NRIP1: variants seen among roughly 807,000 people sequenced by gnomAD.
NRIP1 encodes the protein nuclear receptor-interacting protein 1.
NRIP1 carries 28 observed loss-of-function variants against 75.0 expected under a neutral mutation model. The observed-to-expected ratio is 0.37, with a 90% CI of 0.28 to 0.51. The LOEUF (loss-of-function observed/expected upper bound fraction) is 0.51. Among genes scored for constraint, NRIP1 ranks in the 20% least tolerant of loss-of-function variants. The pLI is 0.92. For missense variants in NRIP1, 1,435 were observed against 1,343.7 expected (o/e 1.07, Z -1.06); for synonymous variants, 526 against 487.6 (o/e 1.08, Z -1.04).
intron 1 of NRIP1, among the ~76,000 whole-genome samples, chr21:15,056,437 T>A (rs911012031): frequency 2.0e-5 from 3 of 152,158 alleles, no homozygotes; most frequent in Non-Finnish European, 2.9e-5. Context: ...AGGAATCAGA[T>A]GGTAAATTTA....
intron 3 of NRIP1, among the ~76,000 whole-genome samples, chr21:14,986,414 A>G (rs1403492884): frequency 6.6e-6 from 1 of 152,244 alleles, no homozygotes; most frequent in Non-Finnish European, 1.5e-5. Context: ...ACTTTTTACC[A>G]TATTAGCATG....
chr21:15,065,539 A>G (rs895234795), upstream of NRIP1, among the ~76,000 whole-genome samples: 1 of 151,228 alleles, frequency 6.6e-6, no homozygotes, highest in African/African-American at 2.4e-5. Context: ...ACCCCACAAC[A>G]CGCGCTCTCT....
chr21:15,063,285 C>G (rs1245271027), intron 1 of NRIP1, among the ~76,000 whole-genome samples: 1 of 152,182 alleles, frequency 6.6e-6, no homozygotes, highest in African/African-American at 2.4e-5. Context: ...TACCGAACTG[C>G]CGGGCAAAAC....
rs1384096210 is a variant in NRIP1 at position 14,965,523 on chromosome 21, C to T, written c.2670G>A (p.Leu890=). 6.2e-7 allele frequency: 1 copy of T among 1,614,068 alleles called. No homozygotes were observed. Among genetic ancestry groups the T allele is most frequent in the Admixed American group, 1.7e-5 (1 of 60,016 alleles). Residue 890 remains leucine (L), a synonymous_variant, in exon 4 of 4, where the codon CTG becomes CTA. Coordinates refer to ENST00000318948, the MANE Select transcript of NRIP1 (RefSeq NM_003489.4). ...CTTCCTGGTTAAGCAAGGACCCATA[C>T]AGTACTTCTGGGGCACTGTGATTGT... ...AANNHSAPEV[L]YGSLLNQEEL...
At chr21:15,065,778 T>TTAA (rs767884697), upstream of NRIP1, 1 of 152,316 alleles carries the variant, frequency 6.6e-6, no homozygotes, top group Non-Finnish European at 1.5e-5. Flanking sequence ...AGGAGCAGGG[T>TTAA]TAATCCTCGG....
chr21:15,055,764 A>G lies in NRIP1; in HGVS notation c.-538+8981T>C, dbSNP rs2089292945. ...TGACTGACCATCCTAGGTCTACCCA[A>G]CTGCTAGCTGAATGACTTTCAAAAC... On this transcript the variant is annotated intron_variant, in intron 1 of 3. Transcript: ENST00000318948. 2.0e-5 allele frequency among the ~76,000 whole-genome samples: 3 copies of G among 152,204 alleles called. No individual in the cohort carries two copies. The South Asian group carries it at 6.2e-4, about 31-fold the overall frequency.
chr21:14,994,523 T>G lies in NRIP1; in HGVS notation c.-335+19821A>C, dbSNP rs1225491864. Among the ~76,000 whole-genome samples the G allele has an allele frequency of 4.6e-5, 7 of 152,386 alleles. No individual in the cohort carries two copies. The East Asian group carries it at 9.6e-4, about 21-fold the overall frequency. Reference sequence around the variant, plus strand: ...AGCTTACTGAAAAGGATCAGCCTTCTGAGTGATATGACATGGATCAACTTT... The same window carrying G: ...AGCTTACTGAAAAGGATCAGCCTTCGGAGTGATATGACATGGATCAACTTT... On this transcript the variant is annotated intron_variant, in intron 3 of 3. Transcript: ENST00000318948.
At position 15,018,443 on chromosome 21, in the gene NRIP1, A is replaced by T. The variant is rs566661572; in HGVS notation, c.-457-3977T>A. On this transcript the variant is annotated intron_variant, in intron 2 of 3. Transcript: ENST00000318948. ...AGAGGAAGCTATTTTACATAAAGTG[A>T]TAAGGAAAAGCAAAAGCTTCTCTGA... 2.8e-4 allele frequency among the ~76,000 whole-genome samples: 43 copies of T among 152,330 alleles called. No individual in the cohort carries two copies. In the East Asian group the frequency reaches 8.1e-3, roughly 29 times the overall value.
At chr21:15,004,968 T>C (rs569707447) in intron 3 of NRIP1, among the ~76,000 whole-genome samples, 1 of 152,314 alleles carries the variant, frequency 6.6e-6, no homozygotes. Context: ...AGTCCAGCCA[T>C]GTGATAATGT....
intron 3 of NRIP1, among the ~76,000 whole-genome samples, chr21:15,005,888 C>T (rs148806590): frequency 3.3e-5 from 5 of 152,082 alleles, no homozygotes; most frequent in East Asian, 1.9e-4. Flanking sequence ...GAATTCAGGT[C>T]GAATTCTTTC....
At chr21:15,047,229 G>C (rs1288573828) in intron 1 of NRIP1, among the ~76,000 whole-genome samples, 1 of 152,116 alleles carries the variant, frequency 6.6e-6, no homozygotes, top group African/African-American at 2.4e-5. Context: ...AAGCAAAGTG[G>C]GAAAAGCCTC....
intron 1 of NRIP1, among the ~76,000 whole-genome samples, chr21:15,056,868 A>C (rs1006829618): frequency 6.6e-6 from 1 of 152,184 alleles, no homozygotes; most frequent in Non-Finnish European, 1.5e-5. Context: ...CATAAATTTT[A>C]AATGAGGCAA....
intron 2 of NRIP1, among the ~76,000 whole-genome samples, chr21:15,039,361 G>T (rs1029171713): frequency 6.6e-6 from 1 of 151,970 alleles, no homozygotes. Flanking sequence ...TTTCTCAAAG[G>T]GCTATTCCCT....
intron 2 of NRIP1, among the ~76,000 whole-genome samples, chr21:15,028,222 A>C (rs1163127135): frequency 6.6e-6 from 1 of 152,238 alleles, no homozygotes; most frequent in African/African-American, 2.4e-5. Flanking sequence ...TGAGTACAAT[A>C]ATCTTGTTAA....
At chr21:14,985,936 C>T (rs111373701) in intron 3 of NRIP1, among the ~76,000 whole-genome samples, 49 of 152,272 alleles carry the variant, frequency 3.2e-4, no homozygotes, top group African/African-American at 8.4e-4. Flanking sequence ...TAAAACCAGA[C>T]ATTCATTCTA....
chr21:14,982,168 A>G (rs2147020488), intron 3 of NRIP1, among the ~76,000 whole-genome samples: 1 of 152,292 alleles, frequency 6.6e-6, no homozygotes. Context: ...TTCAACTCTT[A>G]AGTTACTTAA....
At chr21:15,046,909 C>T (rs913635651) in intron 1 of NRIP1, among the ~76,000 whole-genome samples, 2 of 152,174 alleles carry the variant, frequency 1.3e-5, no homozygotes, top group Non-Finnish European at 2.9e-5. Context: ...TTCTTCATCT[C>T]CTCTCGGCCT....
chr21:15,059,986 A>G (rs986991028), intron 1 of NRIP1, among the ~76,000 whole-genome samples: 1 of 152,178 alleles, frequency 6.6e-6, no homozygotes, highest in African/African-American at 2.4e-5. Context: ...TTAAGAACTT[A>G]AAGAAAAATA....
At position 14,984,877 on chromosome 21, in the gene NRIP1, A is replaced by AT. The variant is rs546062300; in HGVS notation, c.-334-16352dup. Among the ~76,000 whole-genome samples, 51 of 152,276 alleles carry AT rather than the reference A, an allele frequency of 3.3e-4. No homozygotes were observed. The South Asian group carries it at 9.7e-3, about 29-fold the overall frequency. On this transcript the variant is annotated intron_variant, in intron 3 of 3. Transcript: ENST00000318948. ...TCTGAAGGTTCAGAGGATCATTAGT[A>AT]TTTTTTTAGCTATAAGGTATTTTTA...
Sources: allele counts gnomAD v4.1 joint callset (sites outside exome capture counted in the v4.1 genomes callset), GRCh38; gene constraint gnomAD v4.1.1; transcripts MANE v1.5; gene names NCBI Gene and HGNC (gene_info 2026-07-23, HGNC 2026-07-21).